PACRG: variants seen among roughly 807,000 people sequenced by gnomAD.
PACRG encodes parkin coregulated.
In PACRG, 29 loss-of-function variants were observed where a neutral mutation model predicts 29.7. The observed-to-expected ratio is 0.98, with a 90% CI of 0.73 to 1.33. The LOEUF is 1.33. Ranked by LOEUF, PACRG falls within the 40% of genes most tolerant of loss-of-function variation. PACRG has a pLI of 0.00. For synonymous variants in PACRG, 116 were observed against 118.7 expected, an observed-to-expected ratio of 0.98 and a Z score of 0.15; for missense variants, 279 against 316.2, an observed-to-expected ratio of 0.88 and a Z score of 0.89.
chr6:163,138,422 A>C (rs1585257093), intron 4 of PACRG, among the ~76,000 whole-genome samples: 1 of 152,282 alleles, frequency 6.6e-6, no homozygotes, highest in East Asian at 1.9e-4. Context: ...GGCAGTCCCC[A>C]ACCTTTTTGG....
At chr6:163,255,348 G>T (rs888215825) in intron 4 of PACRG, among the ~76,000 whole-genome samples, 1 of 152,186 alleles carries the variant, frequency 6.6e-6, no homozygotes, top group Non-Finnish European at 1.5e-5. Context: ...AGGCAGGCAG[G>T]CAGGTGACCT....
At chr6:163,162,468 C>T (rs1343902154) in intron 4 of PACRG, among the ~76,000 whole-genome samples, 3 of 152,250 alleles carry the variant, frequency 2.0e-5, no homozygotes, top group Non-Finnish European at 4.4e-5. Flanking sequence ...GTGCTTGACA[C>T]AGGCTTTTCA....
chr6:162,898,470 G>A (rs1333093919), intron 2 of PACRG, among the ~76,000 whole-genome samples: 5 of 152,188 alleles, frequency 3.3e-5, no homozygotes. Flanking sequence ...GAAAAATAAT[G>A]CCTAAATACA....
intron 4 of PACRG, among the ~76,000 whole-genome samples, chr6:163,168,508 A>C (rs1047849982): frequency 2.0e-5 from 3 of 152,232 alleles, no homozygotes; most frequent in Admixed American, 6.5e-5. Context: ...AAGAAAAAGA[A>C]AAAATTGTTA....
intron 4 of PACRG, among the ~76,000 whole-genome samples, chr6:163,169,580 G>A (rs1778973478): frequency 6.6e-6 from 1 of 152,224 alleles, no homozygotes; most frequent in African/African-American, 2.4e-5. Context: ...GCTGCGTGCT[G>A]TGCTCCTACG....
At chr6:162,743,979 T>C (rs573011644) in intron 1 of PACRG, among the ~76,000 whole-genome samples, 7 of 152,340 alleles carry the variant, frequency 4.6e-5, no homozygotes, top group Admixed American at 4.6e-4. Flanking sequence ...TTGTTCTTGT[T>C]ATTTAAAAGA....
At chr6:163,111,068 A>G (rs1245835553) in intron 4 of PACRG, among the ~76,000 whole-genome samples, 2 of 151,938 alleles carry the variant, frequency 1.3e-5, no homozygotes. Context: ...ACCTCAGTGC[A>G]TGTTGTCATT....
chr6:163,248,383 G>A (rs1002863395), intron 4 of PACRG, among the ~76,000 whole-genome samples: 4 of 146,826 alleles, frequency 2.7e-5, no homozygotes, highest in Non-Finnish European at 5.9e-5. Context: ...ACCCTTTCAA[G>A]ATATCTAGTG....
At chr6:162,736,402 T>A in intron 1 of PACRG, among the ~76,000 whole-genome samples, 1 of 152,022 alleles carries the variant, frequency 6.6e-6, no homozygotes, top group African/African-American at 2.4e-5. Flanking sequence ...GTATATATTT[T>A]AGTTATTGTT....
chr6:163,124,781 A>G (rs1816448517), intron 4 of PACRG, among the ~76,000 whole-genome samples: 1 of 152,210 alleles, frequency 6.6e-6, no homozygotes, highest in Admixed American at 6.5e-5. Flanking sequence ...TGGAGGGTGC[A>G]CTTTGCATTG....
intron 4 of PACRG, among the ~76,000 whole-genome samples, chr6:163,245,624 TCA>T (rs1406632836): frequency 1.3e-5 from 2 of 152,086 alleles, no homozygotes; most frequent in Non-Finnish European, 2.9e-5. Context: ...AAATTCAGCC[TCA>T]CAGTTTTCAA....
At chr6:163,243,128 A>G (rs1222418248) in intron 4 of PACRG, among the ~76,000 whole-genome samples, 1 of 152,232 alleles carries the variant, frequency 6.6e-6, no homozygotes. Flanking sequence ...GGCGTGGTCC[A>G]GGAGTCATAG....
intron 1 of PACRG, among the ~76,000 whole-genome samples, chr6:162,782,624 A>G (rs1784178024): frequency 6.6e-6 from 1 of 151,824 alleles, no homozygotes; most frequent in South Asian, 2.1e-4. Flanking sequence ...GATTAATTTA[A>G]CTGTCACTCT....
At chr6:162,867,221 T>A (rs1005781458) in intron 2 of PACRG, among the ~76,000 whole-genome samples, 1 of 152,196 alleles carries the variant, frequency 6.6e-6, no homozygotes, top group Non-Finnish European at 1.5e-5. Flanking sequence ...TTAAAACAGC[T>A]TGATCCCTCC....
intron 2 of PACRG, among the ~76,000 whole-genome samples, chr6:163,014,258 G>T (rs1488193790): frequency 6.6e-6 from 1 of 152,174 alleles, no homozygotes; most frequent in African/African-American, 2.4e-5. Flanking sequence ...ATTCACCACT[G>T]ATGGGCAACT....
At chr6:162,926,327 A>T (rs1447179665) in intron 2 of PACRG, among the ~76,000 whole-genome samples, 48 of 152,108 alleles carry the variant, frequency 3.2e-4, no homozygotes, top group Non-Finnish European at 2.9e-5. Flanking sequence ...ATATGGAAAC[A>T]AGAGCCCATA....
chr6:162,776,194 A>G (rs1021522994), intron 1 of PACRG, among the ~76,000 whole-genome samples: 1 of 152,216 alleles, frequency 6.6e-6, no homozygotes, highest in African/African-American at 2.4e-5. Flanking sequence ...GCAATTACAT[A>G]ATGTCATTTT....
At chr6:162,906,542 C>T (rs1795945278) in intron 2 of PACRG, among the ~76,000 whole-genome samples, 1 of 152,154 alleles carries the variant, frequency 6.6e-6, no homozygotes. Context: ...TGACAGAAAA[C>T]TTAATATTGG....
rs1165634051 is a variant in PACRG at position 163,057,996 on chromosome 6, C to G, written c.292-4154C>G. 2.6e-5 allele frequency among the ~76,000 whole-genome samples: 4 copies of G among 152,076 alleles called. No individual in the cohort carries two copies. In the East Asian group the frequency reaches 7.7e-4, roughly 29 times the overall value. ...AATAACCAATTTCTCCAATTATGCC[C>G]TGTTAGAAAAGAAAACAGATTCTTA... is the stretch of plus-strand genomic sequence containing the variant. On this transcript the variant is annotated intron_variant, in intron 2 of 4. Transcript: ENST00000366888.
Sources: gnomAD v4.1 joint callset for allele counts (sites outside exome capture counted in the v4.1 genomes callset) on GRCh38, gnomAD v4.1.1 for gene constraint, MANE v1.5 for transcripts, NCBI Gene and HGNC (gene_info 2026-07-23, HGNC 2026-07-21) for gene names.